The following UTY variants were observed in gnomAD, a reference collection of about 807,000 sequenced individuals.
UTY encodes histone demethylase UTY.
In UTY, 12 loss-of-function variants were observed where a neutral mutation model predicts 32.5. That is an observed-to-expected ratio of 0.37 (90% confidence interval 0.24 to 0.60). UTY has a LOEUF of 0.60. Among genes scored for constraint, UTY ranks in the 20% least tolerant of loss-of-function variants. UTY has a pLI of 0.69. For missense variants in UTY, 303 were observed against 299.2 expected (o/e 1.01, Z -0.09); for synonymous variants, 131 against 103.4 (o/e 1.27, Z -1.62).
chrY:13,426,181 A>C (rs2073248837), intron 4 of UTY, among the ~76,000 whole-genome samples: 2 of 33,294 alleles, frequency 6.0e-5, no homozygotes, highest in African/African-American at 2.4e-4. Flanking sequence ...GAATAAATAA[A>C]AAAACAAACC....
At chrY:13,366,190 C>A in intron 10 of UTY, 77 bp downstream of exon 10, 1 of 319,679 alleles carries the variant, frequency 3.1e-6, no homozygotes, top group South Asian at 4.1e-5. Context: ...TTTCACTTCT[C>A]AGATTACATT....
At chrY:13,411,757 C>A in intron 5 of UTY, among the ~76,000 whole-genome samples, 16 of 33,679 alleles carry the variant, frequency 4.8e-4, no homozygotes, top group Admixed American at 4.3e-3. Context: ...TCCCAAAGAG[C>A]TGAAATTACA....
intron 8 of UTY, among the ~76,000 whole-genome samples, chrY:13,382,767 T>C (rs2066274499): frequency 3.0e-5 from 1 of 33,836 alleles, no homozygotes; most frequent in Non-Finnish European, 7.3e-5. Context: ...CTATTAGCTT[T>C]AATCTAGGAA....
At chrY:13,362,932 T>A (rs2063701930) in intron 10 of UTY, among the ~76,000 whole-genome samples, 28 of 31,333 alleles carry the variant, frequency 8.9e-4, no homozygotes. Flanking sequence ...TGACATAGAG[T>A]CTCACTCTGT....
Position 13,357,928 on chromosome Y carries a change from A to C in UTY, c.1518T>G (p.His506Gln). Residue 506 changes from histidine to glutamine, a missense_variant, in exon 15 of 30, where the codon CAT (histidine) becomes CAG (glutamine). Coordinates refer to ENST00000545955, the MANE Select transcript of UTY (RefSeq NM_001258249.2). ...ACGAATAAACTTGCTGTACTGGATG[A>C]TGTGAAAGACTCTGGCCACCATTCC... ...DNWNGGQSLS[H>Q]HPVQQVYSLC... 1 of 396,135 alleles carries C rather than the reference A, an allele frequency of 2.5e-6. No individual in the cohort carries two copies. The highest frequency in any genetic ancestry group is 6.4e-5 in the African/African-American group (1 of 15,670).
At chrY:13,308,997 T>C (rs2058850820) in intron 21 of UTY, among the ~76,000 whole-genome samples, 1 of 33,119 alleles carries the variant, frequency 3.0e-5, no homozygotes, top group Non-Finnish European at 7.4e-5. Flanking sequence ...AATCTACAGA[T>C]ATAAGCAGGC....
intron 8 of UTY, among the ~76,000 whole-genome samples, chrY:13,376,328 G>T: frequency 9.1e-5 from 3 of 33,119 alleles, no homozygotes; most frequent in Non-Finnish European, 2.2e-4. Flanking sequence ...CACAAGGATG[G>T]TACAAAGTGT....
intron 8 of UTY, among the ~76,000 whole-genome samples, chrY:13,378,246 A>G (rs2065628756): frequency 3.0e-5 from 1 of 33,403 alleles, no homozygotes; most frequent in Non-Finnish European, 7.4e-5. Flanking sequence ...CAGAGAAACT[A>G]AAGAAAATTA....
At chrY:13,298,138 T>C in intron 26 of UTY, among the ~76,000 whole-genome samples, 1 of 33,302 alleles carries the variant, frequency 3.0e-5, no homozygotes, top group South Asian at 6.6e-4. Context: ...AAGGAAAAAG[T>C]GAAAGCCTGA....
intron 21 of UTY, among the ~76,000 whole-genome samples, chrY:13,321,136 A>G (rs2059793113): frequency 3.0e-5 from 1 of 33,676 alleles, no homozygotes; most frequent in African/African-American, 1.2e-4. Flanking sequence ...AAAGAAGCCT[A>G]TTGGAAAAAT....
chrY:13,378,064 T>C, intron 8 of UTY, among the ~76,000 whole-genome samples: 1 of 33,094 alleles, frequency 3.0e-5, no homozygotes, highest in Non-Finnish European at 7.4e-5. Flanking sequence ...TTTCAACATA[T>C]AAGTTTATAA....
chrY:13,323,602 C>T lies in UTY; in HGVS notation c.3229G>A (p.Ala1077Thr). 1 of 397,833 alleles carries T rather than the reference C, an allele frequency of 2.5e-6. No individual in the cohort carries two copies. Among genetic ancestry groups the T allele is most frequent in the Non-Finnish European group, 3.5e-6 (1 of 282,944 alleles). ...CESNRSHTTI[A>T]KYAQYQASSF... ...GAAGCCTGGTATTGTGCGTATTTGG[C>T]AATTGTAGTATGAGATCTATTGCTT... Residue 1077 changes from alanine (A) to threonine (T), a missense_variant, in exon 21 of 30, where the codon GCC becomes ACC. By Grantham distance (58) the Ala-to-Thr change is moderately conservative. Coordinates refer to ENST00000545955, the MANE Select transcript of UTY (RefSeq NM_001258249.2).
rs765397958 is a variant in UTY, at chrY:13,357,967, A to G, written c.1479T>C (p.Asn493=). Reference sequence around the variant, plus strand: ...GGCCACCATTCCAGTTATCAGAACCATTCTAAGGAAAATTTAGTGTAAAAG... The same window carrying G: ...GGCCACCATTCCAGTTATCAGAACCGTTCTAAGGAAAATTTAGTGTAAAAG... The part of the protein sequence containing the change: ...KKKRTSSPTK[N]GSDNWNGGQS... Residue 493 remains asparagine (N), a splice_region_variant and synonymous_variant, in exon 15 of 30, where the codon AAT becomes AAC. Transcript: ENST00000545955. 5.1e-6 allele frequency: 2 copies of G among 392,966 alleles called. No individual in the cohort carries two copies. The highest frequency in any genetic ancestry group is 7.2e-6 in the Non-Finnish European group (2 of 278,835).
chrY:13,335,028 T>C, intron 18 of UTY, among the ~76,000 whole-genome samples: 1 of 33,610 alleles, frequency 3.0e-5, no homozygotes, highest in East Asian at 7.7e-4. Context: ...CATGAGTTCA[T>C]GTCCTTTGTG....
intron 27 of UTY, among the ~76,000 whole-genome samples, chrY:13,291,082 C>T: frequency 3.2e-5 from 1 of 31,068 alleles, no homozygotes; most frequent in Non-Finnish European, 7.8e-5. Flanking sequence ...GGATGCTCTC[C>T]ATCTCCACCC....
intron 21 of UTY, among the ~76,000 whole-genome samples, chrY:13,321,981 T>G (rs964185831): frequency 3.0e-5 from 1 of 33,133 alleles, no homozygotes; most frequent in Non-Finnish European, 7.4e-5. Context: ...GCCACGGAAT[T>G]TAACAAAAAT....
intron 18 of UTY, among the ~76,000 whole-genome samples, chrY:13,334,165 G>C (rs963060193): frequency 4.2e-4 from 14 of 33,503 alleles, no homozygotes; most frequent in Admixed American, 1.4e-3. Flanking sequence ...GTGGAGACCA[G>C]AGCTCTAAGC....
At position 13,251,044 on chromosome Y, in the gene UTY, T is replaced by G; in HGVS notation, c.4281A>C (p.Leu1427=). 1 of 398,697 alleles carries G rather than the reference T, an allele frequency of 2.5e-6. No individual in the cohort carries two copies. The highest frequency in any genetic ancestry group is 3.5e-6 in the Non-Finnish European group (1 of 283,441). Residue 1427 remains leucine, a synonymous_variant, in exon 29 of 30, where the codon CTA becomes CTC. Coordinates refer to ENST00000545955, the MANE Select transcript of UTY (RefSeq NM_001258249.2). ...GTGTAAATTGATCATAAACTTGGATTAGGTCCTCCATTTTGTACTGTTCGA... is the reference window on the plus strand; with the variant it reads ...GTGTAAATTGATCATAAACTTGGATGAGGTCCTCCATTTTGTACTGTTCGA... ...VVLEQYKMED[L]IQVYDQFTLA...
intron 21 of UTY, among the ~76,000 whole-genome samples, chrY:13,308,288 T>C: frequency 3.3e-5 from 1 of 30,760 alleles, no homozygotes; most frequent in Non-Finnish European, 7.8e-5. Flanking sequence ...TAAAATGATG[T>C]AGCCATTTGA....
Sources: allele counts gnomAD v4.1 joint callset (sites outside exome capture counted in the v4.1 genomes callset), GRCh38; gene constraint gnomAD v4.1.1; transcripts MANE v1.5; gene names NCBI Gene and HGNC (gene_info 2026-07-23, HGNC 2026-07-21).